TLE1: variants seen among roughly 807,000 people sequenced by gnomAD.
TLE1 encodes the protein TLE family member 1, transcriptional corepressor.
Under a neutral mutation model 89.8 loss-of-function variants are expected in TLE1, and 21 were observed. The observed-to-expected ratio is 0.23, with a 90% CI of 0.17 to 0.34. TLE1 has a LOEUF of 0.34. Ranked by LOEUF, TLE1 falls within the 10% of genes least tolerant of loss-of-function variation. The pLI, the probability that TLE1 is intolerant of heterozygous loss-of-function variation, is 1.00. For missense variants in TLE1, 795 were observed against 1,031.2 expected, an observed-to-expected ratio of 0.77 and a Z score of 3.14; for synonymous variants, 447 against 407.6, an observed-to-expected ratio of 1.10 and a Z score of -1.16.
At chr9:81,599,849 TTAGGTTGGGAG>T (rs1830683573) in intron 14 of TLE1, 4 of 400,466 alleles carry the variant, frequency 1.0e-5, no homozygotes, top group Non-Finnish European at 1.8e-5. Flanking sequence ...CTTCAAAGCA[TTAGGTTGGGAG>T]ACTCTTTGTT....
intron 4 of TLE1, among the ~76,000 whole-genome samples, chr9:81,670,689 C>CT (rs1230028500): frequency 2.1e-5 from 3 of 144,416 alleles, no homozygotes; most frequent in African/African-American, 5.2e-5. Context: ...AATTTCAGCA[C>CT]TTTGAGAGTT....
At chr9:81,682,252 C>CA (rs748984572) in intron 4 of TLE1, among the ~76,000 whole-genome samples, 5,426 of 97,190 alleles carry the variant, frequency 0.056, 127 homozygotes, top group Non-Finnish European at 0.076. Context: ...GATTCCATCT[C>CA]AAAAAAAAAA....
At chr9:81,666,417 G>T (rs897664687) in intron 4 of TLE1, among the ~76,000 whole-genome samples, 4 of 152,108 alleles carry the variant, frequency 2.6e-5, no homozygotes, top group African/African-American at 7.2e-5. Flanking sequence ...GGATTAGTGG[G>T]AGGAAAAGTA....
At chr9:81,612,311 A>G in intron 12 of TLE1, 1 of 1,046,466 alleles carries the variant, frequency 9.6e-7, no homozygotes, top group Non-Finnish European at 1.1e-6. Context: ...TCTCAAAAGA[A>G]GATTTTCTCG....
chr9:81,672,019 G>A lies in TLE1; in HGVS notation c.234+13657C>T, dbSNP rs534666935. ...ACCCAGGCCAACTGGCAGGCTAGGG[G>A]GTTGTCAAGAACCTAGTGCTTCCCC... On this transcript the variant is annotated intron_variant, in intron 4 of 19. Transcript: ENST00000376499. Among the ~76,000 whole-genome samples, 3 of 152,196 alleles carry A rather than the reference G, an allele frequency of 2.0e-5. No homozygotes were observed. The South Asian group carries it at 6.2e-4, about 32-fold the overall frequency.
chr9:81,683,222 ATTT>A (rs58069135), intron 4 of TLE1, among the ~76,000 whole-genome samples: 42 of 139,334 alleles, frequency 3.0e-4, no homozygotes, highest in African/African-American at 1.1e-3. Context: ...CCATCACTGC[ATTT>A]TTTTTTTTTT....
chr9:81,670,533 C>T (rs969885927), intron 4 of TLE1, among the ~76,000 whole-genome samples: 1 of 152,088 alleles, frequency 6.6e-6, no homozygotes, highest in African/African-American at 2.4e-5. Flanking sequence ...ACCATATTGG[C>T]CAGACTGGTC....
At chr9:81,632,758 A>G (rs1826838882) in intron 8 of TLE1, among the ~76,000 whole-genome samples, 1 of 152,066 alleles carries the variant, frequency 6.6e-6, no homozygotes, top group Non-Finnish European at 1.5e-5. Context: ...CTTCTTTTTA[A>G]GAGCTTACTG....
intron 8 of TLE1, among the ~76,000 whole-genome samples, chr9:81,622,764 A>G (rs1389359807): frequency 6.6e-6 from 1 of 152,170 alleles, no homozygotes; most frequent in African/African-American, 2.4e-5. Context: ...GCAGACTTCA[A>G]CAAGTTACAA....
chr9:81,584,535 C>G lies in TLE1; in HGVS notation c.2129-11G>C, dbSNP rs1398475351. On this transcript the variant is annotated splice_polypyrimidine_tract_variant and intron_variant, in intron 18 of 19. Transcript: ENST00000376499. ...TCACAAACCATTTACCTAGAATTAG[C>G]AAAGGAATATCTAGTTTTCACAAGG... 1.2e-6 allele frequency: 2 copies of G among 1,613,280 alleles called. No homozygotes were observed. Among genetic ancestry groups the G allele is most frequent in the Non-Finnish European group, 8.5e-7 (1 of 1,179,658 alleles).
Position 81,688,802 on chromosome 9 carries a change from T to G in TLE1, c.-562A>C, listed in dbSNP as rs906944657. On this transcript the variant is annotated 5_prime_UTR_variant, in exon 1 of 20. Coordinates refer to ENST00000376499, the MANE Select transcript of TLE1 (RefSeq NM_005077.5). Reference sequence around the variant, plus strand: ...CGGGGCGACTCCCGCAAGATTCGGCTGCGCCTTCGGCCGGGTGCTCGCAGG... The same window carrying G: ...CGGGGCGACTCCCGCAAGATTCGGCGGCGCCTTCGGCCGGGTGCTCGCAGG... 2 of 152,318 alleles carry G rather than the reference T, an allele frequency of 1.3e-5. No homozygotes were observed. The highest frequency in any genetic ancestry group is 4.8e-5 in the African/African-American group (2 of 41,452). 9.4% of individuals were successfully genotyped at this position (152,318 alleles called of 1,614,324 possible). A position where few individuals can be genotyped will look rare whatever the true frequency, so the allele number is the denominator to read the frequency against.
At chr9:81,666,114 T>C (rs1390538423) in intron 4 of TLE1, among the ~76,000 whole-genome samples, 1 of 152,016 alleles carries the variant, frequency 6.6e-6, no homozygotes, top group African/African-American at 2.4e-5. Context: ...TGTTATGGAG[T>C]TCAGAAAGAG....
At chr9:81,661,100 C>T (rs1318896159) in intron 4 of TLE1, among the ~76,000 whole-genome samples, 2 of 149,870 alleles carry the variant, frequency 1.3e-5, no homozygotes, top group Non-Finnish European at 3.0e-5. Flanking sequence ...GCACTCCAGC[C>T]TGGCAGAGTG....
At chr9:81,590,432 T>C (rs968065942) in intron 16 of TLE1, among the ~76,000 whole-genome samples, 1 of 152,264 alleles carries the variant, frequency 6.6e-6, no homozygotes, top group African/African-American at 2.4e-5. Flanking sequence ...TTGGCTCTTG[T>C]CTGCACCAAG....
chr9:81,616,524 T>C, intron 10 of TLE1, 122 bp downstream of exon 10: 3 of 889,296 alleles, frequency 3.4e-6, no homozygotes, highest in Non-Finnish European at 5.4e-6. Flanking sequence ...AACTTCTTAA[T>C]GTAAGAAGTT....
intron 9 of TLE1, among the ~76,000 whole-genome samples, chr9:81,620,043 CAG>C (rs1825030660): frequency 6.6e-6 from 1 of 152,046 alleles, no homozygotes; most frequent in Non-Finnish European, 1.5e-5. Flanking sequence ...ACTAAATTCA[CAG>C]AGTCCAGGAC....
At chr9:81,587,303 A>G (rs985037212) in intron 17 of TLE1, among the ~76,000 whole-genome samples, 1 of 152,172 alleles carries the variant, frequency 6.6e-6, no homozygotes, top group Non-Finnish European at 1.5e-5. Flanking sequence ...CTCAAGTTCT[A>G]TTTATTTAGG....
chr9:81,636,833 T>C (rs1351110195), intron 6 of TLE1, among the ~76,000 whole-genome samples: 1 of 151,150 alleles, frequency 6.6e-6, no homozygotes, highest in Non-Finnish European at 1.5e-5. Context: ...TGAAACCCCG[T>C]CTCTACTAAA....
intron 6 of TLE1, 43 bp from the exon 7 acceptor site, chr9:81,634,344 G>A (rs1159082980): frequency 4.9e-6 from 7 of 1,424,454 alleles, no homozygotes; most frequent in African/African-American, 1.4e-5. Flanking sequence ...GGAGGAGGAG[G>A]AGGTAGTGGT....
Sources: allele counts gnomAD v4.1 joint callset (sites outside exome capture counted in the v4.1 genomes callset), GRCh38; gene constraint gnomAD v4.1.1; transcripts MANE v1.5; gene names NCBI Gene and HGNC (gene_info 2026-07-23, HGNC 2026-07-21).